Variants in ITGAL observed in about 807,000 individuals in gnomAD.
ITGAL encodes integrin subunit alpha L.
A neutral mutation model predicts 138.4 loss-of-function variants in ITGAL; 68 were observed. The ratio of observed to expected loss-of-function variants is 0.49; its 90% CI spans 0.40 to 0.60. ITGAL has a LOEUF of 0.60. ITGAL is among the 20% of genes least tolerant of loss of function. ITGAL has a pLI of 0.00. For missense variants in ITGAL, 1,256 were observed against 1,478.6 expected (o/e 0.85, Z 2.47); for synonymous variants, 561 against 584.3 (o/e 0.96, Z 0.57).
chr16:30,513,700 C>T (rs1263856488), intron 24 of ITGAL, 71 bp from the exon 25 acceptor site: 11 of 1,127,324 alleles, frequency 9.8e-6, no homozygotes, highest in East Asian at 4.7e-5. Flanking sequence ...AGTGGCTGGG[C>T]GCTCAGAAGC....
At chr16:30,504,115 T>G in intron 17 of ITGAL, 60 bp from the exon 18 acceptor site, 1 of 1,265,658 alleles carries the variant, frequency 7.9e-7, no homozygotes, top group East Asian at 2.3e-5. Flanking sequence ...GGTATACATC[T>G]AATCGGAAGT....
intron 9 of ITGAL, among the ~76,000 whole-genome samples, chr16:30,487,142 CAAAAAAAAAAA>C (rs1165678423): frequency 4.7e-5 from 2 of 42,974 alleles, no homozygotes; most frequent in East Asian, 7.4e-4. Flanking sequence ...GACTCCGTCT[CAAAAAAAAAAA>C]AAAAAAAAAA....
chr16:30,502,135 C>T (rs1351877118), intron 17 of ITGAL, among the ~76,000 whole-genome samples: 12 of 152,100 alleles, frequency 7.9e-5, no homozygotes, highest in African/African-American at 1.4e-4. Context: ...CGGTGGCTCA[C>T]GCCTCTAATC....
In ITGAL at chr16:30,510,388, G is replaced by A. The variant is rs146031122; in HGVS notation, c.2536G>A (p.Glu846Lys). ...KPHSQIPVSCEELPEESRLLS... is the reference protein window; with the variant it reads ...KPHSQIPVSCKELPEESRLLS... The stretch of plus-strand genomic sequence containing the variant: ...CCATAGCCAGATACCTGTGAGCTGC[G>A]AGGAGCTTCCTGAAGAGTCCAGGCT... The change falls in exon 22 of 31, where the codon GAG (glutamate) becomes AAG (lysine). Residue 846 changes from glutamate (E) to lysine (K), a missense_variant. Coordinates refer to ENST00000356798, the MANE Select transcript of ITGAL (RefSeq NM_002209.3). 1.1e-5 allele frequency: 18 copies of A among 1,612,226 alleles called. No individual in the cohort carries two copies. The highest frequency in any genetic ancestry group is 8.3e-5 in the Admixed American group (5 of 59,984).
At chr16:30,495,361 T>C (rs1015777577) in intron 13 of ITGAL, among the ~76,000 whole-genome samples, 4 of 152,108 alleles carry the variant, frequency 2.6e-5, no homozygotes, top group African/African-American at 7.2e-5. Context: ...TGTTTCGACA[T>C]GTGGGCCAGG....
At chr16:30,482,755 G>C (rs1459976079) in intron 7 of ITGAL, among the ~76,000 whole-genome samples, 2 of 152,096 alleles carry the variant, frequency 1.3e-5, no homozygotes, top group African/African-American at 2.4e-5. Flanking sequence ...TTCACACCTT[G>C]CTGCTGTTCC....
At chr16:30,499,723 A>ATATATATATATGTATATATATGTG (rs1567478455) in intron 17 of ITGAL, among the ~76,000 whole-genome samples, 6 of 83,774 alleles carry the variant, frequency 7.2e-5, no homozygotes, top group Non-Finnish European at 1.1e-4. Context: ...GTATATATAT[A>ATATATATATATGTATATATATGTG]TATATATATA....
intron 11 of ITGAL, 68 bp downstream of exon 11, chr16:30,489,454 C>G: frequency 6.5e-7 from 1 of 1,531,298 alleles, no homozygotes; most frequent in Non-Finnish European, 9.0e-7. Context: ...AGCCTGGCTT[C>G]CAAAACAATA....
chr16:30,478,481 G>A (rs1258584915), intron 4 of ITGAL, among the ~76,000 whole-genome samples: 1 of 151,714 alleles, frequency 6.6e-6, no homozygotes, highest in East Asian at 1.9e-4. Context: ...GGCAGATCAC[G>A]AGGTTGGGAG....
chr16:30,489,551 T>C (rs766680707), intron 11 of ITGAL, among the ~76,000 whole-genome samples, 165 bp downstream of exon 11: 8 of 152,206 alleles, frequency 5.3e-5, no homozygotes, highest in Non-Finnish European at 1.0e-4. Flanking sequence ...TATTTTCTGA[T>C]GCTTTGACAT....
intron 21 of ITGAL, among the ~76,000 whole-genome samples, chr16:30,509,775 AC>A (rs1306872718): frequency 6.6e-6 from 1 of 152,060 alleles, no homozygotes; most frequent in African/African-American, 2.4e-5. Context: ...ACAGAGGCTT[AC>A]ACTTATAATC....
Position 30,499,335 on chromosome 16 carries a change from C to T in ITGAL, c.1994-3C>T. 6.2e-7 allele frequency: 1 copy of T among 1,614,136 alleles called. No individual in the cohort carries two copies. The highest frequency in any genetic ancestry group is 1.1e-5 in the South Asian group (1 of 91,080). On this transcript the variant is annotated splice_polypyrimidine_tract_variant and splice_region_variant and intron_variant, in intron 16 of 30. Coordinates refer to ENST00000356798, the MANE Select transcript of ITGAL (RefSeq NM_002209.3). Reference sequence around the variant, plus strand: ...TAACTCTTGCCTTTTCCGCCCTGCCCAGGCCGCCTGGTTGCCAATCTCACT... The same window carrying T: ...TAACTCTTGCCTTTTCCGCCCTGCCTAGGCCGCCTGGTTGCCAATCTCACT...
rs1436836835 is a variant in ITGAL at position 30,505,277 on chromosome 16, T to C, written c.2269T>C (p.Ser757Pro). Residue 757 changes from serine to proline, a missense_variant, in exon 19 of 31, where the codon TCC becomes CCC. Around this residue, in one of 3 missense-constraint regions of ITGAL, gnomAD observed 867 missense variants for 972.5 expected, o/e 0.89. Coordinates refer to ENST00000356798, the MANE Select transcript of ITGAL (RefSeq NM_002209.3). ...GKDIPPILRP[S>P]LHSETWEIPF... ...GGACATACCGCCCATCCTGAGACCCTCCCTGCACTCGGAAACCTGGGAGGT... is the reference window on the plus strand; with the variant it reads ...GGACATACCGCCCATCCTGAGACCCCCCCTGCACTCGGAAACCTGGGAGGT... The C allele has an allele frequency of 1.2e-6, 2 of 1,612,230 alleles. No individual in the cohort carries two copies. The highest frequency in any genetic ancestry group is 3.3e-5 in the Admixed American group (2 of 59,938).
At position 30,474,846 on chromosome 16, in the gene ITGAL, C is replaced by CTT. The variant is rs1205873810; in HGVS notation, c.165-448_165-447dup. Among the ~76,000 whole-genome samples, 762 of 125,192 alleles carry CTT rather than the reference C, an allele frequency of 6.1e-3. 6 individuals are homozygous for CTT. The highest frequency in any genetic ancestry group is 0.021 in the African/African-American group (715 of 34,436). 82.1% of individuals were successfully genotyped at this position (125,192 alleles called of 152,430 possible). On this transcript the variant is annotated intron_variant, in intron 2 of 30. Coordinates refer to ENST00000356798, the MANE Select transcript of ITGAL (RefSeq NM_002209.3). ...GAAGAGATGAGGACGGAGGCATCTT[C>CTT]TTTTTTTTTTTTTCTTTTTTTTTTT... is the stretch of plus-strand genomic sequence containing the variant.
At position 30,481,479 on chromosome 16, in the gene ITGAL, T is replaced by C. The variant is rs1378500388; in HGVS notation, c.617T>C (p.Phe206Ser). 6.2e-7 allele frequency: 1 copy of C among 1,612,798 alleles called. No individual in the cohort carries two copies. Among genetic ancestry groups the C allele is most frequent in the South Asian group, 1.1e-5 (1 of 90,832 alleles). The change falls in exon 7 of 31, where the codon TTT becomes TCT. Residue 206 changes from phenylalanine to serine, a missense_variant. By Grantham distance (155) the Phe-to-Ser change is radical (BLOSUM62 -2). This residue lies in a region of ITGAL where 177 missense variants were observed against 288.8 expected (regional missense o/e 0.61). Transcript: ENST00000356798. ...TTTTCCACAAGCTACAAAACAGAAT[T>C]TGATTTCTCAGATTATGTTAAACGG... is the stretch of plus-strand genomic sequence containing the variant. ...VQFSTSYKTE[F>S]DFSDYVKRKD...
chr16:30,514,275 T>G (rs1043427079), intron 25 of ITGAL, among the ~76,000 whole-genome samples: 1 of 150,816 alleles, frequency 6.6e-6, no homozygotes, highest in African/African-American at 2.4e-5. Context: ...CATGCCCAGC[T>G]AATTTTTTTT....
At chr16:30,498,120 T>G (rs541864975) in intron 15 of ITGAL, among the ~76,000 whole-genome samples, 9 of 149,852 alleles carry the variant, frequency 6.0e-5, no homozygotes, top group African/African-American at 2.2e-4. Flanking sequence ...TAGTCAGGAG[T>G]TCAAGACCAG....
Position 30,494,866 on chromosome 16 carries a change from G to A in ITGAL, c.1503+16G>A, listed in dbSNP as rs368474025. ...GAGAAGACAGGTGGGGCCAGGATCTGGAGCTGAGAGGGAGGAGGGAGAGCA... is the reference window on the plus strand; with the variant it reads ...GAGAAGACAGGTGGGGCCAGGATCTAGAGCTGAGAGGGAGGAGGGAGAGCA... On this transcript the variant is annotated intron_variant, in intron 13 of 30. Transcript: ENST00000356798. This position sits in a 1 kb window ranked among gnomAD's most constrained non-coding sequence, Gnocchi z 4.2. 2.5e-5 allele frequency: 40 copies of A among 1,576,772 alleles called. No homozygotes were observed. Among genetic ancestry groups the A allele is most frequent in the Non-Finnish European group, 3.2e-5 (37 of 1,155,862 alleles).
chr16:30,497,247 G>A (rs8044405), intron 15 of ITGAL, among the ~76,000 whole-genome samples: 56,848 of 151,016 alleles, frequency 0.38, 11,711 homozygotes, highest in South Asian at 0.63. Context: ...GGAGGCTGAG[G>A]CAGGAGAATG....
Sources: gnomAD v4.1 joint callset for allele counts (sites outside exome capture counted in the v4.1 genomes callset) on GRCh38, gnomAD v4.1.1 for gene constraint, gnomAD v4.1.1 regional missense constraint, Gnocchi (gnomAD v3.1) non-coding constraint, MANE v1.5 for transcripts, NCBI Gene and HGNC (gene_info 2026-07-23, HGNC 2026-07-21) for gene names.